Variants in MTX2 observed in about 807,000 individuals in gnomAD.
MTX2 encodes the protein metaxin 2.
MTX2 carries 35 observed loss-of-function variants against 42.3 expected under a neutral mutation model. The ratio of observed to expected loss-of-function variants is 0.83; its 90% CI spans 0.63 to 1.10. The LOEUF is 1.10. Among genes scored for constraint, MTX2 ranks in the 50% least tolerant of loss-of-function variants. MTX2 has a pLI of 0.00. For missense variants in MTX2, 307 were observed against 304.1 expected (o/e 1.01, Z -0.07); for synonymous variants, 119 against 100.9 (o/e 1.18, Z -1.08).
At chr2:176,270,708 C>CT (rs1378480359) in intron 1 of MTX2, among the ~76,000 whole-genome samples, 2 of 151,972 alleles carry the variant, frequency 1.3e-5, no homozygotes, top group Non-Finnish European at 1.5e-5. Context: ...ACGTACATTT[C>CT]TTTTTTTTCC....
rs777347290 is a variant in MTX2, at chr2:176,329,315, G to A, written c.432G>A (p.Arg144=). 3.1e-6 allele frequency: 5 copies of A among 1,606,130 alleles called. No individual in the cohort carries two copies. The South Asian group carries it at 4.4e-5, about 14-fold the overall frequency. Residue 144 remains arginine (R), a synonymous_variant, in exon 8 of 10, where the codon AGG becomes AGA. Transcript: ENST00000249442. ...TTTTACTTTAGATCACTCATGCTAG[G>A]TATGGATCTCCTTACCCTTGGCCTC... The part of the protein sequence containing the change: ...EATVGEITHA[R]YGSPYPWPLN...
chr2:176,294,837 C>G (rs1683817477), intron 1 of MTX2, among the ~76,000 whole-genome samples: 1 of 152,130 alleles, frequency 6.6e-6, no homozygotes, highest in Non-Finnish European at 1.5e-5. Context: ...AGGTTTAATA[C>G]AGTTTTTGGG....
chr2:176,316,749 G>A (rs989722614), intron 3 of MTX2, among the ~76,000 whole-genome samples: 18 of 152,004 alleles, frequency 1.2e-4, no homozygotes, highest in African/African-American at 4.4e-4. Context: ...TGATGGATGC[G>A]TCACAATTTG....
intron 8 of MTX2, among the ~76,000 whole-genome samples, chr2:176,329,763 T>C (rs1684809459): frequency 6.7e-6 from 1 of 149,314 alleles, no homozygotes; most frequent in African/African-American, 2.4e-5. Flanking sequence ...CTGTATAACC[T>C]GAGGGTTTTT....
At chr2:176,303,707 T>C (rs1684079892) in intron 3 of MTX2, among the ~76,000 whole-genome samples, 1 of 152,102 alleles carries the variant, frequency 6.6e-6, no homozygotes, top group African/African-American at 2.4e-5. Flanking sequence ...ATGGTGTATA[T>C]ACAACATTAA....
chr2:176,285,637 CTT>C (rs879442676), intron 1 of MTX2, among the ~76,000 whole-genome samples: 4 of 142,474 alleles, frequency 2.8e-5, no homozygotes, highest in African/African-American at 7.7e-5. Context: ...TTGTGTCTGG[CTT>C]TTTTTTTTTT....
At chr2:176,332,395 C>CT (rs1684883535) in intron 9 of MTX2, among the ~76,000 whole-genome samples, 1 of 151,308 alleles carries the variant, frequency 6.6e-6, no homozygotes. Context: ...AGGTATTATA[C>CT]TGCAAGTCAG....
chr2:176,326,976 C>G (rs770115178), intron 5 of MTX2, 75 bp downstream of exon 5: 1 of 825,650 alleles, frequency 1.2e-6, no homozygotes, highest in Non-Finnish European at 1.8e-6. Flanking sequence ...TTAACATTTA[C>G]ATTGATTTCA....
At chr2:176,316,185 C>T (rs1684433099) in intron 3 of MTX2, among the ~76,000 whole-genome samples, 1 of 152,024 alleles carries the variant, frequency 6.6e-6, no homozygotes, top group Admixed American at 6.6e-5. Flanking sequence ...GACCAAATAG[C>T]CTTTGTAGGC....
At chr2:176,276,610 A>G (rs910962307) in intron 1 of MTX2, among the ~76,000 whole-genome samples, 2 of 152,016 alleles carry the variant, frequency 1.3e-5, no homozygotes, top group Admixed American at 6.6e-5. Flanking sequence ...AGTATCTAGT[A>G]TAGGGTGGTA....
Position 176,337,549 on chromosome 2 carries a change from A to G in MTX2, c.677A>G (p.Gln226Arg). The G allele has an allele frequency of 6.2e-7, 1 of 1,613,384 alleles. No individual in the cohort carries two copies. The highest frequency in any genetic ancestry group is 8.5e-7 in the Non-Finnish European group (1 of 1,179,522). The change falls in exon 10 of 10, where the codon CAA becomes CGA. Residue 226 changes from glutamine to arginine, a missense_variant. By Grantham distance (43) the Gln-to-Arg change is conservative. Coordinates refer to ENST00000249442, the MANE Select transcript of MTX2 (RefSeq NM_006554.5). ...CATCTATACACCATTCTTACCACACAATTGACAAATGATGAACTTTCTGAG... is the reference window on the plus strand; with the variant it reads ...CATCTATACACCATTCTTACCACACGATTGACAAATGATGAACTTTCTGAG... ...FGHLYTILTT[Q>R]LTNDELSEKV...
chr2:176,310,988 T>C (rs1684290275), intron 3 of MTX2, among the ~76,000 whole-genome samples: 2 of 152,224 alleles, frequency 1.3e-5, no homozygotes, highest in Non-Finnish European at 2.9e-5. Flanking sequence ...CACTCTGATT[T>C]AGAATTTTTA....
chr2:176,320,588 C>G (rs1390957893), intron 3 of MTX2, among the ~76,000 whole-genome samples: 2 of 152,062 alleles, frequency 1.3e-5, no homozygotes, highest in African/African-American at 4.8e-5. Context: ...TTTCAGTCAT[C>G]ATCACTGATT....
At chr2:176,315,293 A>G (rs1312358985) in intron 3 of MTX2, among the ~76,000 whole-genome samples, 1 of 152,184 alleles carries the variant, frequency 6.6e-6, no homozygotes, top group African/African-American at 2.4e-5. Context: ...CTAGCTTTGT[A>G]AATACCAGTT....
intron 9 of MTX2, among the ~76,000 whole-genome samples, chr2:176,330,998 A>G (rs915622745): frequency 2.2e-4 from 33 of 151,134 alleles, no homozygotes; most frequent in African/African-American, 7.7e-4. Context: ...CATGAAGGAA[A>G]GTAAGTTACT....
intron 3 of MTX2, among the ~76,000 whole-genome samples, chr2:176,308,292 G>C (rs1373810355): frequency 6.6e-6 from 1 of 152,126 alleles, no homozygotes; most frequent in Non-Finnish European, 1.5e-5. Flanking sequence ...GCTGTTGCTG[G>C]ATTCGGTTTG....
chr2:176,289,178 G>A (rs1693272623), intron 1 of MTX2, among the ~76,000 whole-genome samples: 1 of 151,992 alleles, frequency 6.6e-6, no homozygotes, highest in Admixed American at 6.6e-5. Flanking sequence ...TAAAATGAAT[G>A]AGAAGCAAAT....
intron 1 of MTX2, among the ~76,000 whole-genome samples, chr2:176,277,356 A>G (rs562646230): frequency 6.6e-6 from 1 of 152,360 alleles, no homozygotes; most frequent in South Asian, 2.1e-4. Context: ...AGAATATTTA[A>G]TGATGACAGT....
chr2:176,287,369 T>G (rs924881596), intron 1 of MTX2, among the ~76,000 whole-genome samples: 3 of 152,198 alleles, frequency 2.0e-5, no homozygotes, highest in African/African-American at 7.2e-5. Context: ...ATCCCCAATT[T>G]GAAAGTCCAA....
Sources: gnomAD v4.1 joint callset for allele counts (sites outside exome capture counted in the v4.1 genomes callset) on GRCh38, gnomAD v4.1.1 for gene constraint, MANE v1.5 for transcripts, NCBI Gene and HGNC (gene_info 2026-07-23, HGNC 2026-07-21) for gene names.